The following KATNB1 variants were observed in gnomAD, a reference collection of about 807,000 sequenced individuals.
KATNB1 encodes katanin regulatory subunit B1.
A neutral mutation model predicts 82.3 loss-of-function variants in KATNB1; 38 were observed. That is an observed-to-expected ratio of 0.46 (90% CI 0.36 to 0.61). The LOEUF is 0.61. KATNB1 is among the 20% of genes least tolerant of loss of function. The probability of loss-of-function intolerance (pLI) is 0.00; values close to 1 mark genes in which losing one functional copy is unlikely to be tolerated. For synonymous variants in KATNB1, 361 were observed against 368.7 expected, an observed-to-expected ratio of 0.98 and a Z score of 0.24; for missense variants, 749 against 915.7, an observed-to-expected ratio of 0.82 and a Z score of 2.35.
chr16:57,736,318 C>G (rs1416321436), intron 1 of KATNB1, among the ~76,000 whole-genome samples: 5 of 151,748 alleles, frequency 3.3e-5, no homozygotes, highest in Non-Finnish European at 5.9e-5. Context: ...ACCCGGGGAC[C>G]CAGGAGAAAG....
chr16:57,753,016 T>C, intron 10 of KATNB1, 61 bp from the exon 11 acceptor site: 1 of 1,577,480 alleles, frequency 6.3e-7, no homozygotes, highest in Non-Finnish European at 8.6e-7. Flanking sequence ...ACCCCCACAC[T>C]GGGGCTGGGA....
Position 57,744,395 on chromosome 16 carries a change from G to T in KATNB1, c.173G>T (p.Ser58Ile). The change falls in exon 4 of 20, where the codon AGC becomes ATC. Residue 58 changes from serine to isoleucine, a missense_variant and splice_region_variant. Transcript: ENST00000379661. ...GAAGCTGCTGCTCTCTCTCCACAGAGCCTGACGGGCCACACATCCCCAGTG... is the reference window on the plus strand; with the variant it reads ...GAAGCTGCTGCTCTCTCTCCACAGATCCTGACGGGCCACACATCCCCAGTG... ...WSINKPNCIM[S>I]LTGHTSPVES... 1 of 1,612,664 alleles carries T rather than the reference G, an allele frequency of 6.2e-7. No homozygotes were observed.
intron 13 of KATNB1, among the ~76,000 whole-genome samples, chr16:57,754,439 C>T (rs1555584905): frequency 6.6e-6 from 1 of 152,156 alleles, no homozygotes; most frequent in African/African-American, 2.4e-5. Flanking sequence ...TGAGCTGGGG[C>T]GAGTCCCAGC....
At position 57,741,800 on chromosome 16, in the gene KATNB1, A is replaced by C; in HGVS notation, c.154A>C (p.Lys52Gln). Residue 52 changes from lysine to glutamine, a missense_variant, in exon 3 of 20, where the codon AAG (lysine) becomes CAG (glutamine). Coordinates refer to ENST00000379661, the MANE Select transcript of KATNB1 (RefSeq NM_005886.3). ...CCGCGTCAACCTGTGGTCCATCAAC[A>C]AGCCCAACTGCATCATGGTGAGCCC... ...DCRVNLWSIN[K>Q]PNCIMSLTGH... The C allele has an allele frequency of 6.2e-7, 1 of 1,613,526 alleles. No individual in the cohort carries two copies.
At chr16:57,740,502 T>C (rs782760562) in intron 2 of KATNB1, among the ~76,000 whole-genome samples, 8 of 152,202 alleles carry the variant, frequency 5.3e-5, no homozygotes, top group Non-Finnish European at 1.2e-4. Flanking sequence ...GCGCCGTGGC[T>C]CCAACACCCT....
chr16:57,737,167 G>C lies in KATNB1; in HGVS notation c.-77G>C. 1.3e-6 allele frequency: 2 copies of C among 1,552,814 alleles called. No homozygotes were observed. Among genetic ancestry groups the C allele is most frequent in the Non-Finnish European group, 8.9e-7 (1 of 1,129,222 alleles). ...TGCCAACTTGATTGGTGGATCTGGG[G>C]GGGGATCCACCCCCACCCCACGAGG... On this transcript the variant is annotated 5_prime_UTR_variant, in exon 2 of 20. Coordinates refer to ENST00000379661, the MANE Select transcript of KATNB1 (RefSeq NM_005886.3).
In KATNB1 at chr16:57,755,201, A is replaced by T. The variant is rs1555585359; in HGVS notation, c.1379A>T (p.Asn460Ile). 6.2e-7 allele frequency: 1 copy of T among 1,611,932 alleles called. No individual in the cohort carries two copies. The highest frequency in any genetic ancestry group is 1.3e-5 in the African/African-American group (1 of 74,938). ...CCTGCCATCATCCCTGCCACCCGGA[A>T]CGAGCCCATCGGGCTGAAGGCCTCC... Reference protein sequence around the residue: ...AEPAIIPATRNEPIGLKASDF... With the variant: ...AEPAIIPATRIEPIGLKASDF... The change falls in exon 15 of 20, where the codon AAC (asparagine) becomes ATC (isoleucine). Residue 460 changes from asparagine to isoleucine, a missense_variant. By Grantham distance (149) the Asn-to-Ile change is moderately radical. Transcript: ENST00000379661.
chr16:57,753,241 C>G lies in KATNB1; in HGVS notation c.1020C>G (p.Pro340=), dbSNP rs1288330774. The change falls in exon 11 of 20, where the codon CCC becomes CCG. Residue 340 remains proline, a synonymous_variant. Coordinates refer to ENST00000379661, the MANE Select transcript of KATNB1 (RefSeq NM_005886.3). The part of the protein sequence containing the change: ...SAPLRRIYER[P]STTCSKPQRV... ...CCCTCCGGCGCATCTATGAGCGGCC[C>G]AGCACAACCTGCAGCAAGCCTCAGA... is the stretch of plus-strand genomic sequence containing the variant. 6 of 1,602,380 alleles carry G rather than the reference C, an allele frequency of 3.7e-6. No homozygotes were observed. The highest frequency in any genetic ancestry group is 5.1e-6 in the Non-Finnish European group (6 of 1,174,706).
chr16:57,743,716 T>A (rs1453401316), intron 3 of KATNB1, among the ~76,000 whole-genome samples: 3 of 152,240 alleles, frequency 2.0e-5, no homozygotes, highest in Non-Finnish European at 4.4e-5. Flanking sequence ...GCCTCCAGCC[T>A]GCCGGGGTCT....
chr16:57,756,177 G>A, intron 18 of KATNB1, 111 bp downstream of exon 18: 1 of 1,319,462 alleles, frequency 7.6e-7, no homozygotes, highest in Non-Finnish European at 1.1e-6. Flanking sequence ...CTGTGAGCTG[G>A]CTGTGAAGCA....
intron 4 of KATNB1, among the ~76,000 whole-genome samples, chr16:57,750,588 T>C (rs1555582747): frequency 2.0e-5 from 3 of 152,200 alleles, no homozygotes; most frequent in Non-Finnish European, 4.4e-5. Flanking sequence ...ATCACGCCAT[T>C]GCATTCCAGC....
rs137970762 is a variant in KATNB1 at position 57,754,751 on chromosome 16, G to A, written c.1229-179G>A. On this transcript the variant is annotated intron_variant, in intron 13 of 19. Coordinates refer to ENST00000379661, the MANE Select transcript of KATNB1 (RefSeq NM_005886.3). ...TAAGGTTGAGTTGGGGGAGAGGGAG[G>A]AGGCAGGTCCAGGCCTGCCCCAGGT... Among the ~76,000 whole-genome samples, 842 of 152,262 alleles carry A rather than the reference G, an allele frequency of 5.5e-3. 8 individuals carry two copies. Among genetic ancestry groups the A allele is most frequent in the African/African-American group, 0.019 (778 of 41,546 alleles).
At chr16:57,738,399 G>T (rs1271538119) in intron 2 of KATNB1, among the ~76,000 whole-genome samples, 1 of 152,096 alleles carries the variant, frequency 6.6e-6, no homozygotes, top group Non-Finnish European at 1.5e-5. Flanking sequence ...GGGATCACAG[G>T]CACCCGCCAC....
At position 57,752,064 on chromosome 16, in the gene KATNB1, G is replaced by A; in HGVS notation, c.632+9G>A. On this transcript the variant is annotated intron_variant, in intron 8 of 19. Coordinates refer to ENST00000379661, the MANE Select transcript of KATNB1 (RefSeq NM_005886.3). ...TCCGGCAGCTCTGACAGGTGAGGAGGAGGAGCGAGGCGAGTTGCTTGTGAC... is the reference window on the plus strand; with the variant it reads ...TCCGGCAGCTCTGACAGGTGAGGAGAAGGAGCGAGGCGAGTTGCTTGTGAC... 1 of 1,583,550 alleles carries A rather than the reference G, an allele frequency of 6.3e-7. No homozygotes were observed. The highest frequency in any genetic ancestry group is 1.3e-5 in the African/African-American group (1 of 74,388).
At chr16:57,756,645 C>A in intron 19 of KATNB1, 169 bp from the exon 20 acceptor site, 1 of 1,272,270 alleles carries the variant, frequency 7.9e-7, no homozygotes, top group Non-Finnish European at 1.1e-6. Flanking sequence ...TGGGTTCCTC[C>A]ATGGCCTGGC....
Position 57,739,262 on chromosome 16 carries a change from G to A in KATNB1, c.40+1979G>A, listed in dbSNP as rs1041778995. On this transcript the variant is annotated intron_variant, in intron 2 of 19. Transcript: ENST00000379661. ...TGATTTCATGTGCACGGTGGTGTCCGTGGGAATCAACTCTGAAGAGCCCAG... is the reference window on the plus strand; with the variant it reads ...TGATTTCATGTGCACGGTGGTGTCCATGGGAATCAACTCTGAAGAGCCCAG... Among the ~76,000 whole-genome samples, 7 of 152,222 alleles carry A rather than the reference G, an allele frequency of 4.6e-5. No homozygotes were observed. In the East Asian group the frequency reaches 5.8e-4, roughly 13 times the overall value.
At chr16:57,752,956 C>A in intron 10 of KATNB1, 28 bp downstream of exon 10, 1 of 1,598,674 alleles carries the variant, frequency 6.3e-7, no homozygotes, top group African/African-American at 1.3e-5. Flanking sequence ...CCCACCGCCC[C>A]CCACTCCCAC....
At chr16:57,736,719 C>A in intron 1 of KATNB1, 1 of 281,748 alleles carries the variant, frequency 3.5e-6, no homozygotes, top group Non-Finnish European at 7.2e-6. Flanking sequence ...GGCTGCTGCA[C>A]TTTAGGCAGC....
chr16:57,750,871 G>C lies in KATNB1; in HGVS notation c.334G>C (p.Asp112His). The C allele has an allele frequency of 6.2e-7, 1 of 1,614,142 alleles. No individual in the cohort carries two copies. Among genetic ancestry groups the C allele is most frequent in the Non-Finnish European group, 8.5e-7 (1 of 1,180,040 alleles). Reference sequence around the variant, plus strand: ...ACACAAAGCCAACATCTGCAGCCTGGATTTCCACCCGTACGGCGAGTTTGT... The same window carrying C: ...ACACAAAGCCAACATCTGCAGCCTGCATTTCCACCCGTACGGCGAGTTTGT... ...MGHKANICSL[D>H]FHPYGEFVAS... Residue 112 changes from aspartate to histidine, a missense_variant, in exon 5 of 20, where the codon GAT (aspartate) becomes CAT (histidine). By Grantham distance (81) the Asp-to-His change is moderately conservative. Transcript: ENST00000379661.
Sources: allele counts gnomAD v4.1 joint callset (sites outside exome capture counted in the v4.1 genomes callset), GRCh38; gene constraint gnomAD v4.1.1; transcripts MANE v1.5; gene names NCBI Gene and HGNC (gene_info 2026-07-23, HGNC 2026-07-21).